NLGN1: variants seen among roughly 807,000 people sequenced by gnomAD.
NLGN1 encodes the protein neuroligin-1.
In NLGN1, 12 loss-of-function variants were observed where a neutral mutation model predicts 65.5. The observed-to-expected ratio is 0.18, with a 90% confidence interval of 0.12 to 0.30. The LOEUF is 0.30. Ranked by LOEUF, NLGN1 falls within the 10% of genes least tolerant of loss-of-function variation. The pLI, the probability that NLGN1 is intolerant of heterozygous loss-of-function variation, is 1.00. For missense variants in NLGN1, 750 were observed against 1,007.1 expected (o/e 0.74, Z 3.46); for synonymous variants, 350 against 359.5 (o/e 0.97, Z 0.30).
At chr3:173,572,974 T>C (rs1448080922) in intron 2 of NLGN1, among the ~76,000 whole-genome samples, 1 of 152,190 alleles carries the variant, frequency 6.6e-6, no homozygotes, top group African/African-American at 2.4e-5. Flanking sequence ...CCGGTGTTAT[T>C]TCTGCCTCAC....
chr3:173,679,099 T>G (rs7623579), intron 3 of NLGN1, among the ~76,000 whole-genome samples: 2,235 of 151,480 alleles, frequency 0.015, 70 homozygotes, highest in African/African-American at 0.052. Flanking sequence ...AGATTTTTCA[T>G]TCATCTGTAT....
At chr3:174,064,872 G>GT (rs1406790538) in intron 4 of NLGN1, among the ~76,000 whole-genome samples, 2 of 150,088 alleles carry the variant, frequency 1.3e-5, no homozygotes, top group Non-Finnish European at 3.0e-5. Context: ...CACATAGTAA[G>GT]TACTATATAT....
At chr3:173,881,408 C>A (rs1267205113) in intron 4 of NLGN1, among the ~76,000 whole-genome samples, 1 of 141,572 alleles carries the variant, frequency 7.1e-6, no homozygotes, top group Non-Finnish European at 1.5e-5. Context: ...GGCTCCACTT[C>A]TGCTCCACTC....
At chr3:173,696,121 A>AT (rs1427677468) in intron 3 of NLGN1, among the ~76,000 whole-genome samples, 41 of 152,294 alleles carry the variant, frequency 2.7e-4, no homozygotes, top group African/African-American at 9.9e-4. Context: ...CTTATTTATA[A>AT]TTCTTTATGG....
chr3:173,788,666 C>G (rs1711853370), intron 3 of NLGN1, among the ~76,000 whole-genome samples: 1 of 151,652 alleles, frequency 6.6e-6, no homozygotes, highest in South Asian at 2.1e-4. Context: ...ATCAAGAAAT[C>G]TTACTCCTGC....
chr3:173,558,707 T>C (rs1350079822), intron 2 of NLGN1, among the ~76,000 whole-genome samples: 2 of 152,216 alleles, frequency 1.3e-5, no homozygotes, highest in Non-Finnish European at 2.9e-5. Context: ...ATCATAGTTA[T>C]AATGGTTATT....
At chr3:174,029,889 C>T (rs1445720759) in intron 4 of NLGN1, among the ~76,000 whole-genome samples, 1 of 152,170 alleles carries the variant, frequency 6.6e-6, no homozygotes, top group Non-Finnish European at 1.5e-5. Flanking sequence ...TGCCTTCCAC[C>T]ATGATTGTTA....
intron 4 of NLGN1, among the ~76,000 whole-genome samples, chr3:173,958,695 G>T (rs9864964): frequency 6.6e-6 from 1 of 152,180 alleles, no homozygotes; most frequent in Non-Finnish European, 1.5e-5. Flanking sequence ...GCCTTCCCCA[G>T]CTTGAAGGTA....
chr3:173,451,517 T>A (rs1298592076), intron 2 of NLGN1, among the ~76,000 whole-genome samples: 1 of 152,184 alleles, frequency 6.6e-6, no homozygotes, highest in Non-Finnish European at 1.5e-5. Context: ...AGGGACCCAC[T>A]TGAGGAGGCA....
intron 4 of NLGN1, among the ~76,000 whole-genome samples, chr3:173,940,633 C>T (rs1560684150): frequency 6.6e-6 from 1 of 152,112 alleles, no homozygotes; most frequent in Non-Finnish European, 1.5e-5. Context: ...AGGAGTCTGA[C>T]CCATCTGAGA....
intron 4 of NLGN1, among the ~76,000 whole-genome samples, chr3:174,201,247 AGAACAG>A (rs1299767005): frequency 1.3e-5 from 2 of 149,396 alleles, no homozygotes; most frequent in African/African-American, 4.9e-5. Flanking sequence ...TCTTTCGAAA[AGAACAG>A]GAACAGGAAC....
At position 174,146,140 on chromosome 3, in the gene NLGN1, CCTTCCTTCCTT is replaced by C. The variant is rs1327438235; in HGVS notation, c.647-129173_647-129163del. On this transcript the variant is annotated intron_variant, in intron 4 of 6. Coordinates refer to ENST00000457714, the Ensembl canonical transcript of NLGN1. ...TCCTTCCTTCCTTCCTTCCTTCCTT[CCTTCCTTCCTT>C]CCTCTCTCCCTCCCTCCCTTCCTCT... Among the ~76,000 whole-genome samples the C allele has an allele frequency of 5.8e-3, 838 of 143,958 alleles. 10 individuals carry two copies. Among genetic ancestry groups the C allele is most frequent in the African/African-American group, 0.022 (787 of 36,108 alleles). 94.4% of individuals were successfully genotyped at this position (143,958 alleles called of 152,430 possible).
intron 4 of NLGN1, among the ~76,000 whole-genome samples, chr3:173,858,021 C>G (rs577611902): frequency 6.9e-6 from 1 of 144,662 alleles, no homozygotes; most frequent in Non-Finnish European, 1.5e-5. Flanking sequence ...CTAAAAATTG[C>G]TACTAGAATG....
At chr3:173,398,479 C>G (rs1647773231) in exon 1 of NLGN1, 1 of 152,212 alleles carries the variant, frequency 6.6e-6, no homozygotes, top group African/African-American at 2.4e-5. Context: ...CGCCTCAACA[C>G]AATGCCTTGT....
rs576507359 is a variant in NLGN1, at chr3:173,485,560, T to C, written c.-321+50482T>C. Among the ~76,000 whole-genome samples, 710 of 152,302 alleles carry C rather than the reference T, an allele frequency of 4.7e-3. 5 individuals carry two copies. Among genetic ancestry groups the C allele is most frequent in the Non-Finnish European group, 8.4e-3 (570 of 68,020 alleles). On this transcript the variant is annotated intron_variant, in intron 2 of 6. Transcript: ENST00000457714. ...TGCCATGTTTAAAATATTGATTCTT[T>C]CCATTTATGAACATGGTTTCTCTCT...
At chr3:173,782,088 T>A (rs1578404361) in intron 3 of NLGN1, among the ~76,000 whole-genome samples, 1 of 106,388 alleles carries the variant, frequency 9.4e-6, no homozygotes, top group East Asian at 2.1e-4. Context: ...TGGAAGAGCT[T>A]TGGAAGTGTC....
At position 174,123,450 on chromosome 3, in the gene NLGN1, G is replaced by T. The variant is rs541288081; in HGVS notation, c.647-151865G>T. On this transcript the variant is annotated intron_variant, in intron 4 of 6. Transcript: ENST00000457714. ...TGTTTTGTTTACAATTCTGCCTTGGGGTTTCTTCCCTGGTTTGGAAACATT... is the reference window on the plus strand; with the variant it reads ...TGTTTTGTTTACAATTCTGCCTTGGTGTTTCTTCCCTGGTTTGGAAACATT... Among the ~76,000 whole-genome samples the T allele has an allele frequency of 2.6e-5, 4 of 152,076 alleles. No individual in the cohort carries two copies. The East Asian group carries it at 7.7e-4, about 29-fold the overall frequency.
At chr3:173,601,488 T>C (rs1057250267) in intron 2 of NLGN1, among the ~76,000 whole-genome samples, 1 of 152,090 alleles carries the variant, frequency 6.6e-6, no homozygotes, top group African/African-American at 2.4e-5. Context: ...TTACATACTT[T>C]AAGCTTTAAA....
At chr3:174,041,343 T>C (rs1732260965) in intron 4 of NLGN1, among the ~76,000 whole-genome samples, 1 of 152,212 alleles carries the variant, frequency 6.6e-6, no homozygotes, top group Non-Finnish European at 1.5e-5. Flanking sequence ...TTACTAGTAT[T>C]CCACTGTGTT....
Sources: gnomAD v4.1 joint callset for allele counts (sites outside exome capture counted in the v4.1 genomes callset) on GRCh38, gnomAD v4.1.1 for gene constraint, MANE v1.5 for transcripts, NCBI Gene and HGNC (gene_info 2026-07-23, HGNC 2026-07-21) for gene names.